Variants in SLC25A16 observed in about 807,000 individuals in gnomAD.
The protein encoded by SLC25A16 is solute carrier family 25 member 16.
Under a neutral mutation model 41.5 loss-of-function variants are expected in SLC25A16, and 39 were observed. The observed-to-expected ratio is 0.94, with a 90% CI of 0.73 to 1.23. The LOEUF (loss-of-function observed/expected upper bound fraction) is 1.23, where lower values mean the gene tolerates loss of function less well. SLC25A16 is among the 50% of genes most tolerant of loss of function. The probability of loss-of-function intolerance (pLI) is 0.00; values close to 1 mark genes in which losing one functional copy is unlikely to be tolerated. For missense variants in SLC25A16, 421 were observed against 426.9 expected (o/e 0.99, Z 0.12); for synonymous variants, 146 against 147.8 (o/e 0.99, Z 0.09).
chr10:68,513,804 A>C (rs891220784), intron 2 of SLC25A16, among the ~76,000 whole-genome samples: 1 of 151,698 alleles, frequency 6.6e-6, no homozygotes, highest in Non-Finnish European at 1.5e-5. Context: ...GCAGGAGAAT[A>C]GTTTGAACCC....
At chr10:68,495,321 C>T (rs1344475466) in intron 4 of SLC25A16, among the ~76,000 whole-genome samples, 1 of 152,028 alleles carries the variant, frequency 6.6e-6, no homozygotes, top group Admixed American at 6.6e-5. Context: ...GAGGCTGAGG[C>T]AGGAGAATCC....
chr10:68,523,087 A>G (rs1329581706), intron 1 of SLC25A16, among the ~76,000 whole-genome samples: 1 of 152,198 alleles, frequency 6.6e-6, no homozygotes, highest in Non-Finnish European at 1.5e-5. Context: ...GCCAACAACG[A>G]TAGCTCTTTT....
intron 3 of SLC25A16, among the ~76,000 whole-genome samples, chr10:68,505,406 T>G (rs2664435): frequency 0.24 from 37,226 of 151,950 alleles, 5,255 homozygotes; most frequent in Admixed American, 0.35. Flanking sequence ...ACATTAAAAA[T>G]ATATTAATAT....
intron 2 of SLC25A16, 28 bp from the exon 3 acceptor site, chr10:68,506,746 AAC>A: frequency 6.8e-7 from 1 of 1,470,326 alleles, no homozygotes; most frequent in Non-Finnish European, 9.2e-7. Context: ...ATGCTGTTAA[AAC>A]AGAGAAAATT....
intron 8 of SLC25A16, among the ~76,000 whole-genome samples, chr10:68,486,266 A>AT (rs71019016): frequency 0.067 from 9,746 of 145,690 alleles, 518 homozygotes; most frequent in African/African-American, 0.14. Flanking sequence ...CTAAAATAAT[A>AT]TTTTTTTTTA....
chr10:68,504,761 A>T (rs1590111411), intron 3 of SLC25A16, among the ~76,000 whole-genome samples: 1 of 151,744 alleles, frequency 6.6e-6, no homozygotes, highest in Non-Finnish European at 1.5e-5. Flanking sequence ...GCTCACTGCA[A>T]CCTCCGTATC....
chr10:68,488,174 G>A (rs2052596212), intron 7 of SLC25A16, among the ~76,000 whole-genome samples: 1 of 151,900 alleles, frequency 6.6e-6, no homozygotes. Flanking sequence ...TTAGGGGCAA[G>A]GTCTCACTAT....
intron 1 of SLC25A16, chr10:68,517,464 CAAT>C (rs1336283271): frequency 6.5e-6 from 1 of 153,310 alleles, no homozygotes; most frequent in Non-Finnish European, 1.4e-5. Context: ...GCTTCTAAAG[CAAT>C]AATATAGACT....
At chr10:68,512,907 C>T (rs185560708) in intron 2 of SLC25A16, among the ~76,000 whole-genome samples, 3,281 of 152,016 alleles carry the variant, frequency 0.022, 117 homozygotes, top group African/African-American at 0.075. Context: ...GGCGTGGTGG[C>T]GGGTGCCCGT....
At chr10:68,521,731 C>T (rs2053253854) in intron 1 of SLC25A16, among the ~76,000 whole-genome samples, 1 of 149,994 alleles carries the variant, frequency 6.7e-6, no homozygotes, top group African/African-American at 2.4e-5. Context: ...GTAGCTGGGA[C>T]TACAGGCGCC....
rs1449389231 is a variant in SLC25A16, at chr10:68,478,853, G to T, written c.*4579C>A. The T allele has an allele frequency of 1.3e-5, 2 of 152,060 alleles. No individual in the cohort carries two copies. Among genetic ancestry groups the T allele is most frequent in the East Asian group, 1.9e-4 (1 of 5,192 alleles). The allele number at this position is 152,060 out of a possible 1,614,324, so 9.4% of individuals were successfully genotyped here. ...GCTCACTGCAACCTCCGCCTTCTGGGTTCAAGCAATTCTCCTACCTCAGCC... is the reference window on the plus strand; with the variant it reads ...GCTCACTGCAACCTCCGCCTTCTGGTTTCAAGCAATTCTCCTACCTCAGCC... On this transcript the variant is annotated 3_prime_UTR_variant, in exon 9 of 9. Transcript: ENST00000609923.
Position 68,509,756 on chromosome 10 carries a change from T to TATAGATAG in SLC25A16, c.224-3039_224-3038insCTATCTAT, listed in dbSNP as rs1554919983. Among the ~76,000 whole-genome samples, 966 of 148,144 alleles carry TATAGATAG rather than the reference T, an allele frequency of 6.5e-3. 20 individuals carry two copies. The highest frequency in any genetic ancestry group is 0.023 in the African/African-American group (924 of 40,554). ...CTATATATATATCTATATATATAGATATATAGATATAGATAGATAGATATA... is the reference window on the plus strand; with the variant it reads ...CTATATATATATCTATATATATAGATATAGATAGATATAGATATAGATAGATAGATATA... On this transcript the variant is annotated intron_variant, in intron 2 of 8. Coordinates refer to ENST00000609923, the MANE Select transcript of SLC25A16 (RefSeq NM_152707.4).
intron 2 of SLC25A16, among the ~76,000 whole-genome samples, chr10:68,514,453 A>AC (rs1409890484): frequency 6.6e-6 from 1 of 151,998 alleles, no homozygotes; most frequent in African/African-American, 2.4e-5. Context: ...CAGAGATCAC[A>AC]CCGCTGCACT....
rs537673791 is a variant in SLC25A16 at position 68,492,189 on chromosome 10, T to C, written c.610+943A>G. ...CTGAAGTTAACTAGTGATTTTTCTA[T>C]TTTATTCTTCCTGTCCCCAACTTAC... On this transcript the variant is annotated intron_variant, in intron 6 of 8. Transcript: ENST00000609923. Among the ~76,000 whole-genome samples the C allele has an allele frequency of 2.0e-5, 3 of 152,282 alleles. No individual in the cohort carries two copies. The East Asian group carries it at 5.8e-4, about 29-fold the overall frequency.
chr10:68,501,609 T>C (rs1466060502), intron 4 of SLC25A16, among the ~76,000 whole-genome samples: 1 of 151,118 alleles, frequency 6.6e-6, no homozygotes, highest in Non-Finnish European at 1.5e-5. Context: ...GAAGGAATGT[T>C]GGGAGAATTT....
intron 3 of SLC25A16, 139 bp from the exon 4 acceptor site, chr10:68,503,834 A>G: frequency 1.5e-6 from 1 of 647,684 alleles, no homozygotes; most frequent in Non-Finnish European, 2.8e-6. Flanking sequence ...AAATGAGCAC[A>G]ATTAAATACA....
intron 6 of SLC25A16, among the ~76,000 whole-genome samples, chr10:68,489,953 T>C (rs911760294): frequency 3.5e-5 from 5 of 144,222 alleles, no homozygotes; most frequent in Non-Finnish European, 7.6e-5. Context: ...TCTTACCAAA[T>C]ATAAAGACTC....
intron 2 of SLC25A16, among the ~76,000 whole-genome samples, chr10:68,509,851 G>C (rs1189375367): frequency 6.6e-6 from 1 of 151,708 alleles, no homozygotes; most frequent in East Asian, 1.9e-4. Context: ...CCAGCACTTT[G>C]GGAGGCCAAG....
intron 1 of SLC25A16, among the ~76,000 whole-genome samples, chr10:68,526,515 G>A (rs1326563387): frequency 6.6e-6 from 1 of 152,042 alleles, no homozygotes; most frequent in Non-Finnish European, 1.5e-5. Flanking sequence ...GCTGAACGCT[G>A]GTTCCCCGGG....
Sources: allele counts gnomAD v4.1 joint callset (sites outside exome capture counted in the v4.1 genomes callset), GRCh38; gene constraint gnomAD v4.1.1; transcripts MANE v1.5; gene names NCBI Gene and HGNC (gene_info 2026-07-23, HGNC 2026-07-21).